TULP4: variants seen among roughly 807,000 people sequenced by gnomAD.
TULP4 encodes TUB like protein 4.
In TULP4, 16 loss-of-function variants were observed where a neutral mutation model predicts 129.0. The ratio of observed to expected loss-of-function variants is 0.12; its 90% CI spans 0.08 to 0.19. The LOEUF (loss-of-function observed/expected upper bound fraction) is 0.19. Ranked by LOEUF, TULP4 falls within the 10% of genes least tolerant of loss-of-function variation. TULP4 has a pLI of 1.00. For synonymous variants in TULP4, 998 were observed against 854.0 expected (o/e 1.17, Z -2.94); for missense variants, 1,842 against 2,059.1 (o/e 0.89, Z 2.04).
chr6:158,288,646 A>G (rs1215177244), intron 1 of TULP4, among the ~76,000 whole-genome samples: 4 of 151,826 alleles, frequency 2.6e-5, no homozygotes, highest in African/African-American at 4.8e-5. Flanking sequence ...GACTACAGGC[A>G]CCCGCCACCA....
rs781208870 is a variant in TULP4, at chr6:158,502,128, C to A, written c.2465C>A (p.Ala822Asp). The A allele has an allele frequency of 3.1e-6, 5 of 1,605,274 alleles. No individual in the cohort carries two copies. The highest frequency in any genetic ancestry group is 3.4e-6 in the Non-Finnish European group (4 of 1,175,802). ...GAGGGGGACGCAGTGGTCTTTAGTG[C>A]CCCCCAGGAGGTCCAGGTGACGAAG... ...AAEGDAVVFSAPQEVQVTKIN... is the reference protein window; with the variant it reads ...AAEGDAVVFSDPQEVQVTKIN... Residue 822 changes from alanine (A) to aspartate (D), a missense_variant, in exon 13 of 14, where the codon GCC becomes GAC. This residue lies in a region of TULP4 where 1,089 missense variants were observed against 987.1 expected (regional missense o/e 1.10). Transcript: ENST00000367097.
At chr6:158,324,649 A>G (rs1435757322) in intron 1 of TULP4, among the ~76,000 whole-genome samples, 1 of 152,164 alleles carries the variant, frequency 6.6e-6, no homozygotes, top group East Asian at 1.9e-4. Context: ...CAATTGCCAT[A>G]TATATTCCTG....
At chr6:158,357,787 C>T (rs1780681558) in intron 1 of TULP4, among the ~76,000 whole-genome samples, 1 of 152,214 alleles carries the variant, frequency 6.6e-6, no homozygotes, top group African/African-American at 2.4e-5. Flanking sequence ...TCACTTTCAT[C>T]TTTGCTGCTG....
chr6:158,362,524 A>AT lies in TULP4; in HGVS notation c.252+48262dup, dbSNP rs138571249. ...GCTCCCATGCCCAGCTAATTTTGGTATTTTTTATAGAGACAGGGTCTTGCT... is the reference window on the plus strand; with the variant it reads ...GCTCCCATGCCCAGCTAATTTTGGTATTTTTTTATAGAGACAGGGTCTTGCT... On this transcript the variant is annotated intron_variant, in intron 1 of 13. Transcript: ENST00000367097. Among the ~76,000 whole-genome samples, 1,054 of 152,016 alleles carry AT rather than the reference A, an allele frequency of 6.9e-3. 71 individuals carry two copies. The East Asian group carries it at 0.15, about 21-fold the overall frequency.
intron 1 of TULP4, among the ~76,000 whole-genome samples, chr6:158,400,408 T>C (rs1777812807): frequency 6.6e-6 from 1 of 152,226 alleles, no homozygotes; most frequent in African/African-American, 2.4e-5. Context: ...GTATTTTTAA[T>C]GTCTTGTCAA....
chr6:158,504,046 A>T lies in TULP4; in HGVS notation c.4383A>T (p.Gln1461His). Residue 1461 changes from glutamine (Q) to histidine (H), a missense_variant, in exon 13 of 14, where the codon CAA becomes CAT. By Grantham distance (24) the Gln-to-His change is conservative (BLOSUM62 0). Transcript: ENST00000367097. ...AGGAGGACGGGCGGCTGGGCAGCCA[A>T]GGCTTCGTGTACGTGATGGCCAACA... ...SEKEDGRLGS[Q>H]GFVYVMANKQ... 1 of 1,609,936 alleles carries T rather than the reference A, an allele frequency of 6.2e-7. No individual in the cohort carries two copies. The highest frequency in any genetic ancestry group is 8.5e-7 in the Non-Finnish European group (1 of 1,178,276).
At chr6:158,384,673 T>G (rs1284074866) in intron 1 of TULP4, among the ~76,000 whole-genome samples, 1 of 152,192 alleles carries the variant, frequency 6.6e-6, no homozygotes, top group African/African-American at 2.4e-5. Context: ...GACAGGTGAT[T>G]AGCCAGCTGT....
intron 1 of TULP4, among the ~76,000 whole-genome samples, chr6:158,388,225 A>G (rs557202340): frequency 5.3e-5 from 8 of 152,176 alleles, no homozygotes; most frequent in Admixed American, 5.2e-4. Context: ...ATGCTTAACT[A>G]GCAAATAATT....
chr6:158,419,363 G>T (rs558973613), intron 2 of TULP4, among the ~76,000 whole-genome samples: 1 of 152,258 alleles, frequency 6.6e-6, no homozygotes, highest in Admixed American at 6.5e-5. Flanking sequence ...AATGTTTGTA[G>T]CTATAAGCAA....
chr6:158,331,420 G>C (rs1779875150), intron 1 of TULP4, among the ~76,000 whole-genome samples: 3 of 151,996 alleles, frequency 2.0e-5, no homozygotes, highest in Admixed American at 6.6e-5. Flanking sequence ...AAGTGTCCCA[G>C]ATTTGGCCAG....
intron 1 of TULP4, among the ~76,000 whole-genome samples, chr6:158,240,931 A>G (rs1185288104): frequency 7.3e-6 from 1 of 137,034 alleles, no homozygotes; most frequent in South Asian, 2.4e-4. Flanking sequence ...CCGGGCGGAG[A>G]GGCTCCTCAC....
chr6:158,462,747 C>CTTTTTTTTTTT (rs56829575), intron 6 of TULP4, among the ~76,000 whole-genome samples: 1 of 127,852 alleles, frequency 7.8e-6, no homozygotes, highest in Non-Finnish European at 1.6e-5. Flanking sequence ...TTTTTTTTTC[C>CTTTTTTTTTTT]TTTTTTTTTT....
Position 158,503,875 on chromosome 6 carries a change from C to G in TULP4, c.4212C>G (p.Asp1404Glu), listed in dbSNP as rs1780533963. Residue 1404 changes from aspartate to glutamate, a missense_variant, in exon 13 of 14, where the codon GAC becomes GAG. By Grantham distance (45) the Asp-to-Glu change is conservative (BLOSUM62 2). Around this residue, in one of 5 missense-constraint regions of TULP4, gnomAD observed 1,089 missense variants for 987.1 expected, o/e 1.10. Coordinates refer to ENST00000367097, the MANE Select transcript of TULP4 (RefSeq NM_020245.5). The surrounding 1 kb of genome is among the most constrained non-coding windows in gnomAD (Gnocchi z 4.3). Reference sequence around the variant, plus strand: ...TGAATAAGACAAACGAGTTCCAGGACAGCTCCGAGAGCGAGCCTGAGCTGT... The same window carrying G: ...TGAATAAGACAAACGAGTTCCAGGAGAGCTCCGAGAGCGAGCCTGAGCTGT... The part of the protein sequence containing the change: ...KKLNKTNEFQ[D>E]SSESEPELFI... The G allele has an allele frequency of 5.0e-6, 8 of 1,614,088 alleles. No homozygotes were observed. Among genetic ancestry groups the G allele is most frequent in the Non-Finnish European group, 6.8e-6 (8 of 1,180,046 alleles).
chr6:158,308,007 CTTTTTT>C (rs1324263615), upstream of TULP4, among the ~76,000 whole-genome samples: 1 of 149,664 alleles, frequency 6.7e-6, no homozygotes, highest in Non-Finnish European at 1.5e-5. Context: ...TTTTTTTTTT[CTTTTTT>C]TATTTTTATT....
chr6:158,311,884 T>C (rs1779362729), upstream of TULP4, among the ~76,000 whole-genome samples: 1 of 152,176 alleles, frequency 6.6e-6, no homozygotes, highest in Non-Finnish European at 1.5e-5. Flanking sequence ...TCTGGTGAGG[T>C]GTATCCTTTC....
upstream of TULP4, among the ~76,000 whole-genome samples, chr6:158,308,878 TG>T (rs1197284646): frequency 3.7e-5 from 2 of 53,798 alleles, no homozygotes; most frequent in African/African-American, 1.4e-4. Flanking sequence ...GCTGGCCGGG[TG>T]GGGGGCTGAC....
intron 1 of TULP4, among the ~76,000 whole-genome samples, chr6:158,399,006 A>G (rs994789818): frequency 1.3e-5 from 2 of 152,316 alleles, no homozygotes; most frequent in African/African-American, 4.8e-5. Flanking sequence ...ATACAGGTGT[A>G]TGCAACTGCC....
chr6:158,449,542 A>G (rs1288992875), intron 4 of TULP4, among the ~76,000 whole-genome samples: 2 of 152,186 alleles, frequency 1.3e-5, no homozygotes, highest in African/African-American at 4.8e-5. Context: ...TATTATTATA[A>G]CTTAATATGT....
upstream of TULP4, among the ~76,000 whole-genome samples, chr6:158,311,699 G>A (rs1405789590): frequency 1.3e-5 from 2 of 152,162 alleles, no homozygotes; most frequent in East Asian, 1.9e-4. Flanking sequence ...CTTAAACAGC[G>A]ACCATGGTCT....
Sources: allele counts gnomAD v4.1 joint callset (sites outside exome capture counted in the v4.1 genomes callset), GRCh38; gene constraint gnomAD v4.1.1; regional missense constraint gnomAD v4.1.1; non-coding constraint Gnocchi (gnomAD v3.1); transcripts MANE v1.5; gene names NCBI Gene and HGNC (gene_info 2026-07-23, HGNC 2026-07-21).